INPP4B: variants seen among roughly 807,000 people sequenced by gnomAD.
INPP4B encodes inositol polyphosphate-4-phosphatase type II B.
A neutral mutation model predicts 122.5 loss-of-function variants in INPP4B; 55 were observed. That is an observed-to-expected ratio of 0.45 (90% CI 0.36 to 0.56). The LOEUF is 0.56. Among genes scored for constraint, INPP4B ranks in the 20% least tolerant of loss-of-function variants. The pLI is 0.00. For missense variants in INPP4B, 1,000 were observed against 1,097.7 expected, an observed-to-expected ratio of 0.91 and a Z score of 1.26; for synonymous variants, 403 against 388.7, an observed-to-expected ratio of 1.04 and a Z score of -0.43.
intron 11 of INPP4B, among the ~76,000 whole-genome samples, chr4:142,251,217 TAA>T (rs1731853190): frequency 6.6e-6 from 1 of 152,178 alleles, no homozygotes; most frequent in South Asian, 2.1e-4. Flanking sequence ...TTTGTGCATA[TAA>T]AAAAGTTACG....
At chr4:142,181,745 A>T (rs892444421) in intron 15 of INPP4B, among the ~76,000 whole-genome samples, 1 of 152,114 alleles carries the variant, frequency 6.6e-6, no homozygotes, top group East Asian at 1.9e-4. Flanking sequence ...CCATATTCCT[A>T]AAAAAGTGGT....
At chr4:142,305,700 C>T (rs760836783) in intron 8 of INPP4B, 163 bp from the exon 9 acceptor site, 1 of 1,451,202 alleles carries the variant, frequency 6.9e-7, no homozygotes, top group Non-Finnish European at 9.1e-7. Flanking sequence ...ATATATCTAC[C>T]TCATGGGGTA....
At position 142,833,740 on chromosome 4, in the gene INPP4B, G is replaced by C. The variant is rs1782446622; in HGVS notation, c.-254+12469C>G. 1.3e-5 allele frequency among the ~76,000 whole-genome samples: 2 copies of C among 151,880 alleles called. 1 individual carries two copies. Among genetic ancestry groups the C allele is most frequent in the Admixed American group, 1.3e-4 (2 of 15,232 alleles). On this transcript the variant is annotated intron_variant, in intron 1 of 25. Transcript: ENST00000262992. ...CCAGCACCAGGTCTTTTTAATAAAT[G>C]CAAGTTTGTTCAGTTGCATTCTAGC...
At chr4:142,544,408 C>G (rs977051230) in intron 2 of INPP4B, among the ~76,000 whole-genome samples, 5 of 152,008 alleles carry the variant, frequency 3.3e-5, no homozygotes, top group African/African-American at 1.2e-4. Flanking sequence ...AGAGACCACC[C>G]TGAAGGGCCT....
At chr4:142,080,431 AAAG>A (rs531995857) in intron 25 of INPP4B, among the ~76,000 whole-genome samples, 218 of 152,260 alleles carry the variant, frequency 1.4e-3, no homozygotes, top group African/African-American at 4.9e-3. Flanking sequence ...GACAAAACCA[AAAG>A]AAGAAGAAGA....
At chr4:142,592,039 T>C (rs75552171) in intron 2 of INPP4B, among the ~76,000 whole-genome samples, 184 of 152,330 alleles carry the variant, frequency 1.2e-3, no homozygotes, top group African/African-American at 4.2e-3. Flanking sequence ...CCACTAATTA[T>C]ACTAAATGTA....
chr4:142,083,878 GAATT>G (rs1373436320), intron 24 of INPP4B, among the ~76,000 whole-genome samples: 13 of 151,972 alleles, frequency 8.6e-5, no homozygotes, highest in South Asian at 2.1e-4. Context: ...TTTTCAAATT[GAATT>G]AATATTCCTT....
intron 17 of INPP4B, among the ~76,000 whole-genome samples, chr4:142,150,950 G>A (rs1813580940): frequency 6.6e-6 from 1 of 152,170 alleles, no homozygotes; most frequent in African/African-American, 2.4e-5. Context: ...TGATATAGAT[G>A]TACAAAATAG....
intron 7 of INPP4B, among the ~76,000 whole-genome samples, chr4:142,386,678 C>T (rs1050300590): frequency 5.3e-5 from 8 of 152,200 alleles, no homozygotes; most frequent in Non-Finnish European, 8.8e-5. Flanking sequence ...CTGTATGCCA[C>T]GTCCCTTTTT....
At chr4:142,694,901 T>A (rs10020865) in intron 2 of INPP4B, among the ~76,000 whole-genome samples, 1 of 151,966 alleles carries the variant, frequency 6.6e-6, no homozygotes, top group Non-Finnish European at 1.5e-5. Context: ...TTTTCTCTAC[T>A]GGGAGCAAAA....
At chr4:142,654,980 G>C (rs1018394324) in intron 2 of INPP4B, among the ~76,000 whole-genome samples, 1 of 152,042 alleles carries the variant, frequency 6.6e-6, no homozygotes, top group Non-Finnish European at 1.5e-5. Context: ...TAATTGAAAG[G>C]ATTCCTGAAT....
chr4:142,646,947 G>T (rs1751913008), intron 2 of INPP4B, among the ~76,000 whole-genome samples: 1 of 152,158 alleles, frequency 6.6e-6, no homozygotes, highest in Non-Finnish European at 1.5e-5. Context: ...CATACTAGGT[G>T]GCTCACCTGT....
At chr4:142,382,470 T>C (rs549797155) in intron 7 of INPP4B, among the ~76,000 whole-genome samples, 93 of 150,788 alleles carry the variant, frequency 6.2e-4, no homozygotes, top group African/African-American at 2.0e-3. Context: ...GGTGGTGCCA[T>C]TGCACTCCAG....
chr4:142,180,630 T>C (rs1830366004), intron 15 of INPP4B, among the ~76,000 whole-genome samples: 1 of 152,180 alleles, frequency 6.6e-6, no homozygotes, highest in Middle Eastern at 3.2e-3. Context: ...TAACTTGACT[T>C]GGATCACACA....
intron 16 of INPP4B, among the ~76,000 whole-genome samples, chr4:142,167,810 T>C (rs913904122): frequency 2.6e-4 from 40 of 151,686 alleles, no homozygotes; most frequent in African/African-American, 8.9e-4. Flanking sequence ...TGGCATTGCC[T>C]ATTCTTTTGT....
intron 2 of INPP4B, among the ~76,000 whole-genome samples, chr4:142,639,900 T>C (rs763246242): frequency 6.6e-6 from 1 of 152,154 alleles, no homozygotes; most frequent in Non-Finnish European, 1.5e-5. Context: ...CCCATGTATC[T>C]CATCTACTTT....
chr4:142,816,634 A>G (rs1047709627), intron 1 of INPP4B, among the ~76,000 whole-genome samples: 2 of 152,122 alleles, frequency 1.3e-5, no homozygotes, highest in African/African-American at 4.8e-5. Flanking sequence ...ATAAAAATAT[A>G]CCTATACCTA....
intron 2 of INPP4B, among the ~76,000 whole-genome samples, chr4:142,530,153 T>C (rs1017439937): frequency 6.6e-6 from 1 of 152,044 alleles, no homozygotes; most frequent in Non-Finnish European, 1.5e-5. Flanking sequence ...AGTACATTAG[T>C]TTTTGTTGCT....
chr4:142,537,979 T>C (rs1440243257), intron 2 of INPP4B, among the ~76,000 whole-genome samples: 2 of 152,086 alleles, frequency 1.3e-5, no homozygotes, highest in African/African-American at 4.8e-5. Context: ...TTTTCAAGAA[T>C]ATCATTTTTA....
Sources: allele counts gnomAD v4.1 joint callset (sites outside exome capture counted in the v4.1 genomes callset), GRCh38; gene constraint gnomAD v4.1.1; transcripts MANE v1.5; gene names NCBI Gene and HGNC (gene_info 2026-07-23, HGNC 2026-07-21).